Variants in STS observed in about 807,000 individuals in gnomAD.
STS encodes the protein steryl-sulfatase.
Under a neutral mutation model 26.8 loss-of-function variants are expected in STS, and 7 were observed. The ratio of observed to expected loss-of-function variants is 0.26; its 90% CI spans 0.15 to 0.49. The LOEUF (loss-of-function observed/expected upper bound fraction) is 0.49, where lower values mean the gene tolerates loss of function less well. STS is among the 20% of genes least tolerant of loss of function. The pLI, the probability that STS is intolerant of heterozygous loss-of-function variation, is 0.98. For synonymous variants in STS, 199 were observed against 189.4 expected (o/e 1.05, Z -0.42); for missense variants, 434 against 465.6 (o/e 0.93, Z 0.63).
rs1339838012 is a variant in STS, at chrX:7,351,023, AATG to A, written c.*765_*767del. On this transcript the variant is annotated 3_prime_UTR_variant, in exon 11 of 11. Transcript: ENST00000674429. Reference sequence around the variant, plus strand: ...AGCTCACAAATAGATTTCTTTGCACAATGATTTTTTGCAAAATTTTACAGTAAT... The same window carrying A: ...AGCTCACAAATAGATTTCTTTGCACAATTTTTTGCAAAATTTTACAGTAAT... 8.9e-6 allele frequency: 1 copy of A among 112,508 alleles called. No individual in the cohort carries two copies. The highest frequency in any genetic ancestry group is 1.9e-5 in the Non-Finnish European group (1 of 53,316). The allele number at this position is 112,508 out of a possible 1,213,427, so 9.3% of individuals were successfully genotyped here.
Position 7,350,487 on chromosome X carries a change from C to G in STS, c.*226C>G, listed in dbSNP as rs1569235331. The G allele has an allele frequency of 2.3e-6, 1 of 443,888 alleles. No homozygotes were observed. Among genetic ancestry groups the G allele is most frequent in the East Asian group, 3.8e-5 (1 of 26,039 alleles). 36.6% of individuals were successfully genotyped at this position (443,888 alleles called of 1,213,427 possible). On this transcript the variant is annotated 3_prime_UTR_variant, in exon 11 of 11. Coordinates refer to ENST00000674429, the MANE Select transcript of STS (RefSeq NM_001320752.2). Reference sequence around the variant, plus strand: ...CAGACAGGAAGATGGTAGGTTTATGCCTTCTGTGGCCAGAGTCTTGGACTC... The same window carrying G: ...CAGACAGGAAGATGGTAGGTTTATGGCTTCTGTGGCCAGAGTCTTGGACTC...
intron 1 of STS, among the ~76,000 whole-genome samples, chrX:7,149,815 C>T (rs1351054781): frequency 9.0e-6 from 1 of 111,451 alleles, no homozygotes; most frequent in African/African-American, 3.3e-5. Flanking sequence ...CTTGTCCTAT[C>T]GTCTTCCCTC....
chrX:7,195,438 A>G (rs551416345), intron 2 of STS, among the ~76,000 whole-genome samples: 5 of 112,015 alleles, frequency 4.5e-5, no homozygotes, highest in Non-Finnish European at 9.4e-5. Context: ...GGCTCTGTGG[A>G]CCTGTGAATT....
intron 2 of STS, among the ~76,000 whole-genome samples, chrX:7,214,650 G>A (rs1225256164): frequency 9.1e-6 from 1 of 109,472 alleles, no homozygotes; most frequent in African/African-American, 3.3e-5. Flanking sequence ...CATCACACCC[G>A]AGCAGTATAC....
intron 7 of STS, among the ~76,000 whole-genome samples, chrX:7,280,626 G>C (rs1924811893): frequency 8.9e-6 from 1 of 111,752 alleles, no homozygotes; most frequent in African/African-American, 3.3e-5. Flanking sequence ...GTTCATGGTT[G>C]GGGGTCAGGT....
chrX:7,305,042 C>G lies in STS; in HGVS notation c.944-4C>G, dbSNP rs1488289242. 2.0e-5 allele frequency: 24 copies of G among 1,209,179 alleles called. No homozygotes were observed. The highest frequency in any genetic ancestry group is 2.3e-5 in the Non-Finnish European group (21 of 894,473). ...TTTTTAAATGGAGTCTTTTTCCCCTCCAGGGCAGATCTTGAACCTTCTGGA... is the reference window on the plus strand; with the variant it reads ...TTTTTAAATGGAGTCTTTTTCCCCTGCAGGGCAGATCTTGAACCTTCTGGA... On this transcript the variant is annotated splice_region_variant and splice_polypyrimidine_tract_variant and intron_variant, in intron 7 of 10. Transcript: ENST00000674429.
intron 7 of STS, among the ~76,000 whole-genome samples, chrX:7,285,242 A>C (rs751521036): frequency 8.9e-6 from 1 of 111,735 alleles, no homozygotes; most frequent in African/African-American, 3.2e-5. Flanking sequence ...TGTCTTACAT[A>C]CTATGCTATT....
At chrX:7,259,280 GGAACA>G in intron 5 of STS, 64 bp from the exon 6 acceptor site, 1 of 1,053,116 alleles carries the variant, frequency 9.5e-7, no homozygotes, top group Non-Finnish European at 1.3e-6. Context: ...TCAGCATGTA[GGAACA>G]GAAGCTTGGA....
chrX:7,175,041 A>G (rs753164857), intron 1 of STS, among the ~76,000 whole-genome samples: 10 of 110,836 alleles, frequency 9.0e-5, no homozygotes, highest in Non-Finnish European at 1.9e-4. Context: ...TACCTTTGTG[A>G]TGATTAACAC....
chrX:7,276,113 A>G, intron 7 of STS, 26 bp downstream of exon 7: 4 of 1,206,984 alleles, frequency 3.3e-6, no homozygotes, highest in Non-Finnish European at 4.5e-6. Flanking sequence ...GTGAGTGCTT[A>G]GAAAGCTGCT....
intron 7 of STS, among the ~76,000 whole-genome samples, chrX:7,304,088 C>A (rs1030872643): frequency 4.5e-5 from 5 of 110,746 alleles, no homozygotes; most frequent in Admixed American, 1.9e-4. Flanking sequence ...TCCTCTGATT[C>A]TCACTGAGTC....
chrX:7,275,383 A>G (rs1300785609), intron 6 of STS, among the ~76,000 whole-genome samples: 1 of 111,503 alleles, frequency 9.0e-6, no homozygotes, highest in Non-Finnish European at 1.9e-5. Context: ...GTAAACATAT[A>G]TTATTGCACT....
chrX:7,216,900 G>A (rs1921331793), intron 2 of STS, among the ~76,000 whole-genome samples: 1 of 111,515 alleles, frequency 9.0e-6, no homozygotes, highest in East Asian at 2.8e-4. Flanking sequence ...GGATGTTAAG[G>A]AGTATTCAGT....
chrX:7,279,292 AAT>A lies in STS; in HGVS notation c.943+3224_943+3225del, dbSNP rs1187465371. ...GTACTCCAGGAAGAAAAAAAAAAAA[AAT>A]ATATATATATATATATATGTGTGTG... On this transcript the variant is annotated intron_variant, in intron 7 of 10. Transcript: ENST00000674429. Among the ~76,000 whole-genome samples, 76 of 62,768 alleles carry A rather than the reference AAT, an allele frequency of 1.2e-3. 1 individual carries two copies. The highest frequency in any genetic ancestry group is 4.6e-3 in the South Asian group (6 of 1,310). 54.5% of individuals were successfully genotyped at this position (62,768 alleles called of 115,157 possible). A position where few individuals can be genotyped will look rare whatever the true frequency, so the allele number is the denominator to read the frequency against.
intron 8 of STS, among the ~76,000 whole-genome samples, chrX:7,312,227 A>G (rs1447371088): frequency 9.0e-6 from 1 of 111,347 alleles, no homozygotes; most frequent in African/African-American, 3.3e-5. Flanking sequence ...TCATCTTTGG[A>G]TGGATTTTAT....
At chrX:7,174,231 G>T (rs1381128927) in intron 1 of STS, among the ~76,000 whole-genome samples, 4 of 111,512 alleles carry the variant, frequency 3.6e-5, no homozygotes. Flanking sequence ...TTGGAGAAGG[G>T]CTAGAGGAAT....
At chrX:7,340,599 A>G (rs1300227612) in intron 10 of STS, among the ~76,000 whole-genome samples, 1 of 112,266 alleles carries the variant, frequency 8.9e-6, no homozygotes, top group African/African-American at 3.2e-5. Flanking sequence ...AGAACATTGT[A>G]TTTGATATCT....
chrX:7,262,048 G>C (rs1923774519), intron 6 of STS, among the ~76,000 whole-genome samples: 1 of 112,199 alleles, frequency 8.9e-6, no homozygotes, highest in Non-Finnish European at 1.9e-5. Flanking sequence ...CTTGGCTCCA[G>C]AGAGTATTCT....
At chrX:7,291,073 G>T (rs1569214760) in intron 7 of STS, among the ~76,000 whole-genome samples, 1 of 111,509 alleles carries the variant, frequency 9.0e-6, no homozygotes, top group Non-Finnish European at 1.9e-5. Context: ...TCGTTGGTTT[G>T]GTATCTCACC....
Sources: allele counts gnomAD v4.1 joint callset (sites outside exome capture counted in the v4.1 genomes callset), GRCh38; gene constraint gnomAD v4.1.1; transcripts MANE v1.5; gene names NCBI Gene and HGNC (gene_info 2026-07-23, HGNC 2026-07-21).